The following DOT1L variants were observed in gnomAD, a reference collection of about 807,000 sequenced individuals.
DOT1L encodes the protein histone-lysine N-methyltransferase, H3 lysine-79 specific.
Under a neutral mutation model 153.3 loss-of-function variants are expected in DOT1L, and 33 were observed. The ratio of observed to expected loss-of-function variants is 0.22; its 90% CI spans 0.16 to 0.29. The LOEUF (loss-of-function observed/expected upper bound fraction) is 0.29. Ranked by LOEUF, DOT1L falls within the 10% of genes least tolerant of loss-of-function variation. The pLI is 1.00. For synonymous variants in DOT1L, 1,135 were observed against 965.1 expected, an observed-to-expected ratio of 1.18 and a Z score of -3.26; for missense variants, 1,847 against 2,119.9, an observed-to-expected ratio of 0.87 and a Z score of 2.53.
chr19:2,186,062 C>T lies in DOT1L; in HGVS notation c.200+133C>T, dbSNP rs1053855324. On this transcript the variant is annotated intron_variant, in intron 3 of 27. Coordinates refer to ENST00000398665, the MANE Select transcript of DOT1L (RefSeq NM_032482.3). ...TCTGAAATTTCCTTTTAGAGTTGGCCGTGGCCACCATAAAGTTATTTTGGT... is the reference window on the plus strand; with the variant it reads ...TCTGAAATTTCCTTTTAGAGTTGGCTGTGGCCACCATAAAGTTATTTTGGT... 46 of 837,808 alleles carry T rather than the reference C, an allele frequency of 5.5e-5. No individual in the cohort carries two copies. The Admixed American group carries it at 5.7e-4, about 10-fold the overall frequency. 51.9% of individuals were successfully genotyped at this position (837,808 alleles called of 1,614,324 possible). A position where few individuals can be genotyped will look rare whatever the true frequency, so the allele number is the denominator to read the frequency against.
rs779159284 is a variant in DOT1L, at chr19:2,191,504, C to T, written c.493+264C>T. On this transcript the variant is annotated intron_variant, in intron 5 of 27. Transcript: ENST00000398665. This position sits in a 1 kb window ranked among gnomAD's most constrained non-coding sequence, Gnocchi z 6.8. ...CCCAGGTGCCCGGAGACTCTGCTTT[C>T]GTCCTGCTTCCCACCAGCTGGGGAG... 9.9e-5 allele frequency among the ~76,000 whole-genome samples: 15 copies of T among 152,092 alleles called. No homozygotes were observed. The highest frequency in any genetic ancestry group is 1.8e-4 in the Non-Finnish European group (12 of 68,014).
chr19:2,219,443 C>A (rs1412707528), intron 22 of DOT1L, among the ~76,000 whole-genome samples: 1 of 152,264 alleles, frequency 6.6e-6, no homozygotes, highest in Non-Finnish European at 1.5e-5. Context: ...ATGTCTGGGC[C>A]TGTCCCTTCT....
intron 18 of DOT1L, chr19:2,214,218 G>T: frequency 1.1e-6 from 1 of 879,594 alleles, no homozygotes; most frequent in African/African-American, 1.7e-5. Context: ...CCACACTCTG[G>T]CAGGCTCGAG....
At chr19:2,213,493 A>G (rs2023784258) in intron 16 of DOT1L, 46 bp from the exon 17 acceptor site, 6 of 1,591,382 alleles carry the variant, frequency 3.8e-6, no homozygotes, top group South Asian at 1.1e-5. Flanking sequence ...GTGGGCCCTC[A>G]GTCACCTGCC....
At chr19:2,202,637 C>A (rs372070995) in intron 8 of DOT1L, 63 bp from the exon 9 acceptor site, 5 of 1,531,986 alleles carry the variant, frequency 3.3e-6, no homozygotes, top group Non-Finnish European at 4.5e-6. Flanking sequence ...TTGTTGGCTG[C>A]GCCGGGTGGC....
intron 27 of DOT1L, chr19:2,228,309 C>T (rs748469113): frequency 4.5e-6 from 6 of 1,347,214 alleles, no homozygotes; most frequent in South Asian, 1.2e-5. Flanking sequence ...CATGCCGCCT[C>T]CCTATGCCGC....
intron 19 of DOT1L, among the ~76,000 whole-genome samples, chr19:2,215,035 G>A (rs1195749181): frequency 1.3e-5 from 2 of 152,194 alleles, no homozygotes; most frequent in East Asian, 3.9e-4. Flanking sequence ...GGCCAACACA[G>A]TGGGACTCTG....
intron 25 of DOT1L, among the ~76,000 whole-genome samples, chr19:2,224,734 C>T (rs565367581): frequency 4.6e-5 from 7 of 152,168 alleles, no homozygotes; most frequent in East Asian, 1.9e-4. Context: ...TCCCAGCGTG[C>T]GCCATCACAG....
Position 2,222,709 on chromosome 19 carries a change from G to C in DOT1L, c.3390+150G>C. 1.3e-6 allele frequency: 1 copy of C among 759,948 alleles called. No homozygotes were observed. Among genetic ancestry groups the C allele is most frequent in the Non-Finnish European group, 2.0e-6 (1 of 490,848 alleles). The allele number at this position is 759,948 out of a possible 1,614,324, so 47.1% of individuals were successfully genotyped here. A position where few individuals can be genotyped will look rare whatever the true frequency, so the allele number is the denominator to read the frequency against. On this transcript the variant is annotated intron_variant, in intron 24 of 27. Transcript: ENST00000398665. The surrounding 1 kb of genome is among the most constrained non-coding windows in gnomAD (Gnocchi z 6.5). The stretch of plus-strand genomic sequence containing the variant: ...AGATCAGGACATCAAGACCATCCTG[G>C]CTAACACGGTGAAACCCCGTCTCTA...
intron 27 of DOT1L, 199 bp downstream of exon 27, chr19:2,227,326 G>A: frequency 2.6e-6 from 2 of 771,558 alleles, no homozygotes; most frequent in Non-Finnish European, 4.6e-6. Context: ...GTGTGTCTTG[G>A]GTTCTCTGGT....
At chr19:2,177,106 C>T (rs1416123035) in intron 1 of DOT1L, among the ~76,000 whole-genome samples, 2 of 152,194 alleles carry the variant, frequency 1.3e-5, no homozygotes, top group African/African-American at 4.8e-5. Context: ...CTGTGGGGGT[C>T]CGCAGGAAGA....
rs375103956 is a variant in DOT1L, at chr19:2,225,369, G to T, written c.3597-19G>T. On this transcript the variant is annotated intron_variant, in intron 25 of 27. Transcript: ENST00000398665. ...ATGCAGCTGGGTTTCAAGCATTAATGACCTTTTTTTCTTAACAGAATTGAG... is the reference window on the plus strand; with the variant it reads ...ATGCAGCTGGGTTTCAAGCATTAATTACCTTTTTTTCTTAACAGAATTGAG... The T allele has an allele frequency of 1.9e-4, 300 of 1,612,178 alleles. No individual in the cohort carries two copies. The highest frequency in any genetic ancestry group is 2.5e-4 in the Non-Finnish European group (294 of 1,178,248).
chr19:2,218,020 T>C (rs928892898), intron 22 of DOT1L, 102 bp downstream of exon 22: 4 of 1,478,922 alleles, frequency 2.7e-6, no homozygotes, highest in South Asian at 1.3e-5. Context: ...CGCTGTAAAA[T>C]GTCGAGCGTG....
chr19:2,223,407 A>T lies in DOT1L; in HGVS notation c.3517A>T (p.Ser1173Cys), dbSNP rs2024204879. The T allele has an allele frequency of 6.2e-7, 1 of 1,613,680 alleles. No individual in the cohort carries two copies. The highest frequency in any genetic ancestry group is 1.7e-5 in the Admixed American group (1 of 60,020). ...CGTGCTCAAGAAGGAGCGGCCTCTG[A>T]GCCAGACCAATGGGGCACACTACTC... Reference protein sequence around the residue: ...PPVLKKERPLSQTNGAHYSPL... With the variant: ...PPVLKKERPLCQTNGAHYSPL... Residue 1173 changes from serine (S) to cysteine (C), a missense_variant, in exon 25 of 28, where the codon AGC (serine) becomes TGC (cysteine). Coordinates refer to ENST00000398665, the MANE Select transcript of DOT1L (RefSeq NM_032482.3).
chr19:2,228,659 GC>G, intron 27 of DOT1L: 1 of 985,420 alleles, frequency 1.0e-6, no homozygotes. Context: ...AGCTGTGCCA[GC>G]CCCTGTGGGC....
intron 9 of DOT1L, 123 bp downstream of exon 9, chr19:2,202,902 C>T (rs1455574574): frequency 1.3e-5 from 11 of 863,226 alleles, no homozygotes; most frequent in Middle Eastern, 2.9e-4. Flanking sequence ...CCCCTTGGAG[C>T]CAGGTGGTCT....
intron 1 of DOT1L, among the ~76,000 whole-genome samples, chr19:2,169,505 GTTT>G (rs916084960): frequency 6.6e-6 from 1 of 151,906 alleles, no homozygotes; most frequent in South Asian, 2.1e-4. Flanking sequence ...TCTGAGGAGA[GTTT>G]TTTTTGAGAC....
At chr19:2,187,817 G>C (rs1177406714) in intron 3 of DOT1L, among the ~76,000 whole-genome samples, 2 of 151,910 alleles carry the variant, frequency 1.3e-5, no homozygotes, top group Non-Finnish European at 2.9e-5. Flanking sequence ...AGTTAGTCAG[G>C]AGGCTGAGGC....
intron 2 of DOT1L, among the ~76,000 whole-genome samples, chr19:2,184,870 C>T (rs1423569618): frequency 1.3e-5 from 2 of 152,146 alleles, no homozygotes; most frequent in African/African-American, 2.4e-5. Context: ...GCTGCGGTTT[C>T]CTCACGTTTT....
Sources: gnomAD v4.1 joint callset for allele counts (sites outside exome capture counted in the v4.1 genomes callset) on GRCh38, gnomAD v4.1.1 for gene constraint, Gnocchi (gnomAD v3.1) non-coding constraint, MANE v1.5 for transcripts, NCBI Gene and HGNC (gene_info 2026-07-23, HGNC 2026-07-21) for gene names.